The following EPC2 variants were observed in gnomAD, a reference collection of about 807,000 sequenced individuals.
The protein encoded by EPC2 is enhancer of polycomb homolog 2.
A neutral mutation model predicts 92.1 loss-of-function variants in EPC2; 14 were observed. The ratio of observed to expected loss-of-function variants is 0.15; its 90% CI spans 0.10 to 0.24. The LOEUF is 0.24. Ranked by LOEUF, EPC2 falls within the 10% of genes least tolerant of loss-of-function variation. The pLI is 1.00. For synonymous variants in EPC2, 340 were observed against 334.7 expected (o/e 1.02, Z -0.17); for missense variants, 755 against 971.5 (o/e 0.78, Z 2.96).
rs1354393271 is a variant in EPC2 at position 148,753,995 on chromosome 2, C to A, written c.528C>A (p.Asp176Glu). 6.2e-7 allele frequency: 1 copy of A among 1,612,044 alleles called. No homozygotes were observed. The highest frequency in any genetic ancestry group is 8.5e-7 in the Non-Finnish European group (1 of 1,179,154). Reference sequence around the variant, plus strand: ...ATTACCTTATTAAAGCTGTATATGACTACTGGGTGAGAAAACGTAAAAACT... The same window carrying A: ...ATTACCTTATTAAAGCTGTATATGAATACTGGGTGAGAAAACGTAAAAACT... The part of the protein sequence containing the change: ...EDDYLIKAVY[D>E]YWVRKRKNCR... Residue 176 changes from aspartate to glutamate, a missense_variant, in exon 4 of 14, where the codon GAC becomes GAA. Coordinates refer to ENST00000258484, the MANE Select transcript of EPC2 (RefSeq NM_015630.4).
intron 2 of EPC2, among the ~76,000 whole-genome samples, chr2:148,734,425 T>G (rs1453925188): frequency 2.0e-5 from 3 of 152,098 alleles, no homozygotes; most frequent in African/African-American, 4.8e-5. Flanking sequence ...AGACTTCAAA[T>G]TATTTAAACT....
chr2:148,698,792 A>G (rs767238734), intron 2 of EPC2, among the ~76,000 whole-genome samples: 12 of 141,686 alleles, frequency 8.5e-5, no homozygotes, highest in South Asian at 2.3e-4. Flanking sequence ...CTGTCTCTCC[A>G]AGATAATTAA....
chr2:148,647,665 G>C (rs1298203525), intron 1 of EPC2, among the ~76,000 whole-genome samples: 1 of 111,080 alleles, frequency 9.0e-6, no homozygotes, highest in Non-Finnish European at 1.7e-5. Context: ...ACCGAGTCTA[G>C]CTCTGTCGCC....
At chr2:148,777,430 A>G (rs1683667985) in intron 10 of EPC2, among the ~76,000 whole-genome samples, 1 of 152,206 alleles carries the variant, frequency 6.6e-6, no homozygotes, top group Admixed American at 6.5e-5. Context: ...AGGCACAAGC[A>G]CAAAAATCCT....
intron 4 of EPC2, among the ~76,000 whole-genome samples, chr2:148,757,795 A>G (rs79781234): frequency 0.14 from 20,835 of 152,092 alleles, 2,389 homozygotes; most frequent in East Asian, 0.45. Context: ...AAATTGCGCC[A>G]TTGCACTCCA....
chr2:148,762,557 G>T, intron 5 of EPC2, 113 bp from the exon 6 acceptor site: 1 of 708,430 alleles, frequency 1.4e-6, no homozygotes, highest in Middle Eastern at 4.3e-4. Flanking sequence ...AAAGTAATTT[G>T]ATTGTTAGCC....
chr2:148,767,797 C>T (rs563258593), intron 7 of EPC2, among the ~76,000 whole-genome samples: 1 of 152,164 alleles, frequency 6.6e-6, no homozygotes, highest in African/African-American at 2.4e-5. Flanking sequence ...CTGGAATCTA[C>T]CCCGGGGAAT....
intron 10 of EPC2, among the ~76,000 whole-genome samples, chr2:148,775,456 A>G (rs965699141): frequency 6.6e-6 from 1 of 152,008 alleles, no homozygotes; most frequent in Admixed American, 6.6e-5. Flanking sequence ...TTCAGATTTG[A>G]AAGGACAGAT....
In EPC2 at chr2:148,686,491, A is replaced by C. The variant is rs182010734; in HGVS notation, c.154-3723A>C. Among the ~76,000 whole-genome samples the C allele has an allele frequency of 3.9e-5, 6 of 152,308 alleles. No homozygotes were observed. The East Asian group carries it at 1.2e-3, about 29-fold the overall frequency. On this transcript the variant is annotated intron_variant, in intron 1 of 13. Coordinates refer to ENST00000258484, the MANE Select transcript of EPC2 (RefSeq NM_015630.4). ...GTGGGCATTTTGACCTCTTTCTATG[A>C]ATCATGAATGTTCTTAATGACATCT...
chr2:148,772,363 G>A (rs1021269968), intron 10 of EPC2, among the ~76,000 whole-genome samples: 2 of 151,946 alleles, frequency 1.3e-5, no homozygotes, highest in African/African-American at 4.8e-5. Context: ...AATAGATGTG[G>A]CTTGACTTAC....
intron 4 of EPC2, among the ~76,000 whole-genome samples, chr2:148,756,976 G>A (rs184022175): frequency 6.6e-6 from 1 of 152,324 alleles, no homozygotes; most frequent in East Asian, 1.9e-4. Flanking sequence ...CCTGAGCAGA[G>A]ACGGTTGTGA....
chr2:148,761,352 TAC>T (rs1418982794), intron 4 of EPC2, among the ~76,000 whole-genome samples: 1 of 152,160 alleles, frequency 6.6e-6, no homozygotes, highest in Non-Finnish European at 1.5e-5. Flanking sequence ...AGCCCCCAGT[TAC>T]AGAGCTGGAG....
chr2:148,765,399 A>AT (rs981610274), intron 7 of EPC2, among the ~76,000 whole-genome samples: 25 of 152,210 alleles, frequency 1.6e-4, no homozygotes, highest in Admixed American at 1.3e-4. Flanking sequence ...ATGAACATAG[A>AT]TTTTTTCCCT....
chr2:148,672,588 A>G (rs74798555), intron 1 of EPC2, among the ~76,000 whole-genome samples: 75 of 152,316 alleles, frequency 4.9e-4, no homozygotes, highest in Middle Eastern at 3.4e-3. Context: ...TTATTTTTGT[A>G]TACAAAAACT....
At chr2:148,689,085 AC>A in intron 1 of EPC2, among the ~76,000 whole-genome samples, 1 of 152,288 alleles carries the variant, frequency 6.6e-6, no homozygotes, top group Non-Finnish European at 1.5e-5. Context: ...ATATATAGAA[AC>A]AGCAACATCA....
At position 148,684,722 on chromosome 2, in the gene EPC2, T is replaced by TA. The variant is rs752285123; in HGVS notation, c.154-5491dup. 9.8e-5 allele frequency among the ~76,000 whole-genome samples: 15 copies of TA among 152,312 alleles called. No homozygotes were observed. The East Asian group carries it at 2.1e-3, about 22-fold the overall frequency. ...ATTTCAGTGAACCCCTATGCCTACT[T>TA]ACATACCTGCGTGAGGTTTTCTTTG... On this transcript the variant is annotated intron_variant, in intron 1 of 13. Coordinates refer to ENST00000258484, the MANE Select transcript of EPC2 (RefSeq NM_015630.4).
intron 1 of EPC2, among the ~76,000 whole-genome samples, chr2:148,657,713 G>A (rs1250721706): frequency 6.6e-6 from 1 of 152,018 alleles, no homozygotes; most frequent in African/African-American, 2.4e-5. Context: ...TCACAAGTTA[G>A]GGGTGATTCT....
At chr2:148,718,265 C>T (rs144870824) in intron 2 of EPC2, among the ~76,000 whole-genome samples, 162 of 152,172 alleles carry the variant, frequency 1.1e-3, no homozygotes, top group African/African-American at 3.5e-3. Context: ...TTCTTATGTG[C>T]GGATTTGATT....
chr2:148,663,515 G>T (rs898310650), intron 1 of EPC2, among the ~76,000 whole-genome samples: 3 of 149,788 alleles, frequency 2.0e-5, no homozygotes, highest in African/African-American at 4.9e-5. Context: ...ACTGCGCCCA[G>T]CCAAGTTTTT....
Sources: allele counts gnomAD v4.1 joint callset (sites outside exome capture counted in the v4.1 genomes callset), GRCh38; gene constraint gnomAD v4.1.1; transcripts MANE v1.5; gene names NCBI Gene and HGNC (gene_info 2026-07-23, HGNC 2026-07-21).